Variants in KLF12 observed in about 807,000 individuals in gnomAD.
The protein encoded by KLF12 is Krueppel-like factor 12.
In KLF12, 9 loss-of-function variants were observed where a neutral mutation model predicts 37.8. The ratio of observed to expected loss-of-function variants is 0.24; its 90% CI spans 0.14 to 0.42. The LOEUF (loss-of-function observed/expected upper bound fraction) is 0.42. KLF12 is among the 10% of genes least tolerant of loss of function. The pLI, the probability that KLF12 is intolerant of heterozygous loss-of-function variation, is 1.00. For synonymous variants in KLF12, 208 were observed against 202.1 expected, an observed-to-expected ratio of 1.03 and a Z score of -0.25; for missense variants, 411 against 516.0, an observed-to-expected ratio of 0.80 and a Z score of 1.97.
At chr13:73,862,154 T>G (rs1885962645) in intron 3 of KLF12, among the ~76,000 whole-genome samples, 1 of 152,016 alleles carries the variant, frequency 6.6e-6, no homozygotes, top group Non-Finnish European at 1.5e-5. Flanking sequence ...TAAGCATCTG[T>G]CTTTCCAGTA....
At chr13:74,151,219 G>T in the KLF12 span, among the ~76,000 whole-genome samples, 3 of 152,178 alleles carry the variant, frequency 2.0e-5, no homozygotes, top group Admixed American at 2.0e-4. Flanking sequence ...GCTAGGTCTT[G>T]AGATAGGATG....
chr13:74,060,239 C>T (rs1293416159), intron 1 of KLF12, among the ~76,000 whole-genome samples: 3 of 151,660 alleles, frequency 2.0e-5, no homozygotes, highest in Non-Finnish European at 2.9e-5. Context: ...TTTGGTTGCT[C>T]GTGGTCTTTT....
At chr13:74,123,911 A>T (rs1877786323) in intron 1 of KLF12, among the ~76,000 whole-genome samples, 1 of 152,218 alleles carries the variant, frequency 6.6e-6, no homozygotes, top group South Asian at 2.1e-4. Flanking sequence ...TAGTGTTCTC[A>T]TCAGTTACAT....
chr13:73,937,851 G>A (rs1890017231), intron 3 of KLF12, among the ~76,000 whole-genome samples: 1 of 152,028 alleles, frequency 6.6e-6, no homozygotes, highest in Non-Finnish European at 1.5e-5. Flanking sequence ...TGCATCTTTA[G>A]TGGAGGATAC....
intron 3 of KLF12, among the ~76,000 whole-genome samples, chr13:73,918,359 G>A (rs926995406): frequency 6.6e-6 from 1 of 152,000 alleles, no homozygotes; most frequent in African/African-American, 2.4e-5. Flanking sequence ...CCACTGAAAT[G>A]TCTACAACTA....
chr13:74,295,727 T>C, the KLF12 span, among the ~76,000 whole-genome samples: 3 of 152,224 alleles, frequency 2.0e-5, no homozygotes, highest in Admixed American at 6.5e-5. Context: ...AGAAATGATA[T>C]ATAGAGAAAA....
At chr13:73,935,154 A>AT (rs1302805759) in intron 3 of KLF12, among the ~76,000 whole-genome samples, 3 of 151,192 alleles carry the variant, frequency 2.0e-5, no homozygotes, top group South Asian at 2.1e-4. Context: ...TAATTTTTGT[A>AT]TTTTTTTATT....
intron 2 of KLF12, among the ~76,000 whole-genome samples, chr13:73,955,250 T>C (rs912437722): frequency 6.6e-6 from 1 of 152,208 alleles, no homozygotes; most frequent in African/African-American, 2.4e-5. Context: ...ATTTTTAGAA[T>C]GGGTGTACTA....
upstream of KLF12, among the ~76,000 whole-genome samples, chr13:74,135,476 C>T (rs887168976): frequency 3.7e-4 from 56 of 149,894 alleles, no homozygotes; most frequent in Admixed American, 8.6e-4. Flanking sequence ...GATTGTGGGG[C>T]GGGAGAGGGA....
chr13:74,006,945 C>A (rs1433756750), intron 1 of KLF12, among the ~76,000 whole-genome samples: 2 of 152,106 alleles, frequency 1.3e-5, no homozygotes, highest in Non-Finnish European at 2.9e-5. Context: ...TCACGATAAT[C>A]CCAGTCTCAA....
chr13:74,128,715 A>G (rs1878088214), intron 1 of KLF12, among the ~76,000 whole-genome samples: 1 of 152,192 alleles, frequency 6.6e-6, no homozygotes, highest in South Asian at 2.1e-4. Flanking sequence ...GTTGCCATTT[A>G]GGTTTGTTTT....
At chr13:74,135,133 G>A (rs1878498299), upstream of KLF12, among the ~76,000 whole-genome samples, 1 of 151,960 alleles carries the variant, frequency 6.6e-6, no homozygotes, top group Non-Finnish European at 1.5e-5. Flanking sequence ...CACGTTGCGG[G>A]CGAAGCGGGG....
chr13:74,149,541 G>A, the KLF12 span, among the ~76,000 whole-genome samples: 1 of 152,020 alleles, frequency 6.6e-6, no homozygotes, highest in Non-Finnish European at 1.5e-5. Flanking sequence ...CACTTCCATT[G>A]TTACTACCCT....
chr13:74,083,488 T>C (rs1313617887), intron 1 of KLF12, among the ~76,000 whole-genome samples: 1 of 128,090 alleles, frequency 7.8e-6, no homozygotes, highest in Admixed American at 8.4e-5. Context: ...GCCTGGGCGA[T>C]AGGAGACACA....
At chr13:73,806,507 G>A (rs1005653054) in intron 5 of KLF12, among the ~76,000 whole-genome samples, 2 of 151,978 alleles carry the variant, frequency 1.3e-5, no homozygotes, top group East Asian at 1.9e-4. Flanking sequence ...GGAAATACAG[G>A]TGTGCACCAC....
chr13:74,177,375 T>C, the KLF12 span, among the ~76,000 whole-genome samples: 1 of 152,194 alleles, frequency 6.6e-6, no homozygotes, highest in East Asian at 1.9e-4. Context: ...CCACATTTTA[T>C]AAGTGCCTAT....
the KLF12 span, among the ~76,000 whole-genome samples, chr13:74,299,284 A>C: frequency 2.0e-5 from 3 of 152,206 alleles, no homozygotes; most frequent in Non-Finnish European, 4.4e-5. Context: ...AGCACTGGAC[A>C]TTCTCTGAGA....
chr13:74,278,461 T>A, the KLF12 span, among the ~76,000 whole-genome samples: 1 of 152,202 alleles, frequency 6.6e-6, no homozygotes, highest in Non-Finnish European at 1.5e-5. Flanking sequence ...ACAACTCTCT[T>A]TCCTTCTTCC....
the KLF12 span, among the ~76,000 whole-genome samples, chr13:74,279,493 G>A: frequency 6.8e-6 from 1 of 148,144 alleles, no homozygotes; most frequent in Non-Finnish European, 1.5e-5. Context: ...TCTCACAATG[G>A]TTTGAAATAA....
Sources: gnomAD v4.1 joint callset for allele counts (sites outside exome capture counted in the v4.1 genomes callset) on GRCh38, gnomAD v4.1.1 for gene constraint, MANE v1.5 for transcripts, NCBI Gene and HGNC (gene_info 2026-07-23, HGNC 2026-07-21) for gene names.